Variants in TASP1 observed in about 807,000 individuals in gnomAD.
The protein encoded by TASP1 is taspase 1.
A neutral mutation model predicts 56.6 loss-of-function variants in TASP1; 16 were observed. That is an observed-to-expected ratio of 0.28 (90% CI 0.19 to 0.43). The LOEUF (loss-of-function observed/expected upper bound fraction) is 0.43. TASP1 is among the 20% of genes least tolerant of loss of function. The pLI, the probability that TASP1 is intolerant of heterozygous loss-of-function variation, is 1.00. For synonymous variants in TASP1, 179 were observed against 184.2 expected (o/e 0.97, Z 0.23); for missense variants, 393 against 511.6 (o/e 0.77, Z 2.24).
At chr20:13,179,685 C>G in the TASP1 span, among the ~76,000 whole-genome samples, 5 of 152,052 alleles carry the variant, frequency 3.3e-5, no homozygotes, top group African/African-American at 1.2e-4. Context: ...CAGAGTGAAC[C>G]TGGATCTCAG....
the TASP1 span, among the ~76,000 whole-genome samples, chr20:13,339,866 T>C: frequency 6.6e-6 from 1 of 152,098 alleles, no homozygotes; most frequent in African/African-American, 2.4e-5. Flanking sequence ...TAGGTTGAAG[T>C]CTTTTGCTTG....
intron 11 of TASP1, among the ~76,000 whole-genome samples, chr20:13,478,116 T>A (rs966833975): frequency 6.6e-6 from 1 of 152,086 alleles, no homozygotes; most frequent in Non-Finnish European, 1.5e-5. Context: ...GAAAAATACA[T>A]AAAAACAAAT....
chr20:13,268,382 CT>C, the TASP1 span, among the ~76,000 whole-genome samples: 1 of 133,460 alleles, frequency 7.5e-6, no homozygotes, highest in African/African-American at 2.8e-5. Flanking sequence ...CTCTCTCTCT[CT>C]CTCTCTCTCT....
chr20:13,291,251 C>G, the TASP1 span, among the ~76,000 whole-genome samples: 1 of 152,186 alleles, frequency 6.6e-6, no homozygotes. Flanking sequence ...CTTTCTGCCT[C>G]TCAGTTCCTG....
At chr20:13,487,945 T>G (rs540534497) in intron 10 of TASP1, among the ~76,000 whole-genome samples, 3 of 152,184 alleles carry the variant, frequency 2.0e-5, no homozygotes, top group Admixed American at 6.5e-5. Flanking sequence ...AAACAGGCCA[T>G]GAACCAGATT....
At chr20:13,318,527 C>G in the TASP1 span, among the ~76,000 whole-genome samples, 3 of 152,180 alleles carry the variant, frequency 2.0e-5, no homozygotes, top group Admixed American at 2.0e-4. Context: ...AACAAAAAAA[C>G]CTGCACACAG....
chr20:13,153,920 T>TA, the TASP1 span: 3 of 1,562,322 alleles, frequency 1.9e-6, no homozygotes, highest in Non-Finnish European at 1.7e-6. Flanking sequence ...CAGAAAGACT[T>TA]AAAGATGCTT....
chr20:13,602,361 T>A (rs2047993952), intron 4 of TASP1, among the ~76,000 whole-genome samples: 1 of 152,140 alleles, frequency 6.6e-6, no homozygotes, highest in Non-Finnish European at 1.5e-5. Context: ...TAATGTGGTA[T>A]CCTGGATGGA....
the TASP1 span, among the ~76,000 whole-genome samples, chr20:13,175,770 C>T: frequency 2.0e-5 from 3 of 152,182 alleles, no homozygotes; most frequent in Admixed American, 6.5e-5. Flanking sequence ...AGGTCATATT[C>T]TTCCACTGGG....
chr20:13,363,040 C>T, the TASP1 span, among the ~76,000 whole-genome samples: 1 of 151,910 alleles, frequency 6.6e-6, no homozygotes, highest in African/African-American at 2.4e-5. Flanking sequence ...ACACCAGATC[C>T]TAACATACTG....
the TASP1 span, among the ~76,000 whole-genome samples, chr20:13,309,466 A>G: frequency 6.6e-6 from 1 of 152,208 alleles, no homozygotes; most frequent in Non-Finnish European, 1.5e-5. Context: ...AGCTAACATC[A>G]TACTCATCAG....
chr20:13,248,491 A>T, the TASP1 span, among the ~76,000 whole-genome samples: 1 of 152,286 alleles, frequency 6.6e-6, no homozygotes, highest in Admixed American at 6.5e-5. Flanking sequence ...GAGAATCTTG[A>T]GTGTAGCAAA....
the TASP1 span, among the ~76,000 whole-genome samples, chr20:13,155,213 C>T: frequency 6.6e-6 from 1 of 152,052 alleles, no homozygotes; most frequent in Non-Finnish European, 1.5e-5. Context: ...TAACTAAGCT[C>T]CTTTCTCAAG....
At chr20:13,384,017 C>A in the TASP1 span, among the ~76,000 whole-genome samples, 4 of 152,160 alleles carry the variant, frequency 2.6e-5, no homozygotes, top group African/African-American at 9.7e-5. Flanking sequence ...AGATTAAAAT[C>A]TTACTACTTG....
chr20:13,110,250 G>T, the TASP1 span: 6 of 1,580,592 alleles, frequency 3.8e-6, no homozygotes, highest in Admixed American at 1.0e-4. Context: ...TTTACGACTC[G>T]GAGGCCTGCA....
chr20:13,425,303 C>T (rs1253610032), intron 12 of TASP1, among the ~76,000 whole-genome samples: 1 of 152,182 alleles, frequency 6.6e-6, no homozygotes, highest in Admixed American at 6.5e-5. Context: ...GGATACTTCT[C>T]TTTCAAAATC....
chr20:13,622,164 C>T (rs1389734797), intron 4 of TASP1, among the ~76,000 whole-genome samples: 2 of 152,190 alleles, frequency 1.3e-5, no homozygotes, highest in African/African-American at 4.8e-5. Flanking sequence ...GTGCTTACTA[C>T]GTACCACACA....
intron 11 of TASP1, among the ~76,000 whole-genome samples, chr20:13,444,726 T>C (rs1033732707): frequency 2.6e-5 from 4 of 152,102 alleles, no homozygotes; most frequent in Admixed American, 6.6e-5. Context: ...CCCAATGGAA[T>C]GATGTTCACT....
At chr20:13,455,360 T>A (rs1227050376) in intron 11 of TASP1, among the ~76,000 whole-genome samples, 1 of 152,092 alleles carries the variant, frequency 6.6e-6, no homozygotes, top group Non-Finnish European at 1.5e-5. Context: ...AATGTTTGCA[T>A]GAAAATAAAC....
Sources: allele counts gnomAD v4.1 joint callset (sites outside exome capture counted in the v4.1 genomes callset), GRCh38; gene constraint gnomAD v4.1.1; transcripts MANE v1.5; gene names NCBI Gene and HGNC (gene_info 2026-07-23, HGNC 2026-07-21).